UMAD1: variants seen among roughly 807,000 people sequenced by gnomAD.
UMAD1 encodes the protein UBAP1-MVB12-associated (UMA)-domain containing protein 1.
In UMAD1, 8 loss-of-function variants were observed where a neutral mutation model predicts 6.1. The observed-to-expected ratio is 1.30, with a 90% CI of 0.76 to 2.35. The LOEUF (loss-of-function observed/expected upper bound fraction) is 2.35, where lower values mean the gene tolerates loss of function less well. Among genes scored for constraint, UMAD1 ranks in the 30% most tolerant of loss-of-function variants. UMAD1 has a pLI of 0.00. For missense variants in UMAD1, 130 were observed against 78.4 expected, an observed-to-expected ratio of 1.66 and a Z score of -2.49; for synonymous variants, 56 against 31.4, an observed-to-expected ratio of 1.78 and a Z score of -2.61.
At chr7:7,852,519 T>A (rs1340920463) in intron 3 of UMAD1, among the ~76,000 whole-genome samples, 1 of 152,172 alleles carries the variant, frequency 6.6e-6, no homozygotes, top group African/African-American at 2.4e-5. Context: ...ACCCTCTCTT[T>A]GGGTTTGACT....
intron 3 of UMAD1, among the ~76,000 whole-genome samples, chr7:7,859,714 A>G (rs1784079982): frequency 6.6e-6 from 1 of 152,206 alleles, no homozygotes; most frequent in African/African-American, 2.4e-5. Flanking sequence ...CTTGCAGATT[A>G]ATTTTCAACT....
intron 2 of UMAD1, among the ~76,000 whole-genome samples, chr7:7,691,539 G>A (rs1285783711): frequency 6.6e-6 from 1 of 152,138 alleles, no homozygotes; most frequent in Non-Finnish European, 1.5e-5. Flanking sequence ...ATTACATTTC[G>A]AAGGAGAAGA....
chr7:7,732,512 T>G (rs1313286146), intron 2 of UMAD1, among the ~76,000 whole-genome samples: 2 of 152,174 alleles, frequency 1.3e-5, no homozygotes. Context: ...AAATTAAAAA[T>G]GACTTAAATC....
At chr7:7,806,383 C>G (rs1344266175) in intron 3 of UMAD1, among the ~76,000 whole-genome samples, 1 of 152,094 alleles carries the variant, frequency 6.6e-6, no homozygotes, top group Admixed American at 6.5e-5. Context: ...CCAATGTCCT[C>G]TTAATGCTTA....
chr7:7,774,588 T>G (rs1782164125), intron 2 of UMAD1, among the ~76,000 whole-genome samples: 1 of 152,232 alleles, frequency 6.6e-6, no homozygotes, highest in Admixed American at 6.5e-5. Flanking sequence ...GTCCTTTTTT[T>G]GGGAACTCTT....
chr7:7,828,895 C>CT (rs1583856231), intron 3 of UMAD1, among the ~76,000 whole-genome samples: 2 of 152,114 alleles, frequency 1.3e-5, no homozygotes, highest in Admixed American at 6.6e-5. Flanking sequence ...AGTTTGAACT[C>CT]TATTTTGTAT....
chr7:7,815,401 G>A lies in UMAD1; in HGVS notation c.156+13658G>A, dbSNP rs111318685. Among the ~76,000 whole-genome samples, 18 of 152,224 alleles carry A rather than the reference G, an allele frequency of 1.2e-4. 1 individual carries two copies. Among genetic ancestry groups the A allele is most frequent in the African/African-American group, 4.3e-4 (18 of 41,540 alleles). Reference sequence around the variant, plus strand: ...TTAATGCCTTAAAAATCATGCCAGAGTAGAGTAGAATTGATTAAATCATTT... The same window carrying A: ...TTAATGCCTTAAAAATCATGCCAGAATAGAGTAGAATTGATTAAATCATTT... On this transcript the variant is annotated intron_variant, in intron 3 of 3. Transcript: ENST00000682710.
chr7:7,701,401 A>G (rs1042234063), intron 2 of UMAD1, among the ~76,000 whole-genome samples: 2 of 152,188 alleles, frequency 1.3e-5, no homozygotes, highest in Non-Finnish European at 1.5e-5. Context: ...TCTATGTGAC[A>G]TTTTATATAT....
chr7:7,766,156 G>T (rs929879898), intron 2 of UMAD1, among the ~76,000 whole-genome samples: 1 of 152,166 alleles, frequency 6.6e-6, no homozygotes, highest in Non-Finnish European at 1.5e-5. Flanking sequence ...TTATAATAGA[G>T]CAGCCTTGTC....
At chr7:7,711,608 G>A (rs139079904) in intron 2 of UMAD1, among the ~76,000 whole-genome samples, 23 of 152,084 alleles carry the variant, frequency 1.5e-4, no homozygotes, top group African/African-American at 5.3e-4. Flanking sequence ...TAATGGAATT[G>A]GACATTTTTA....
chr7:7,739,070 A>G (rs1298380969), intron 2 of UMAD1: 1 of 152,250 alleles, frequency 6.6e-6, no homozygotes, highest in Non-Finnish European at 1.5e-5. Context: ...CAAAATCTGG[A>G]CAACAAATTA....
chr7:7,760,921 G>T lies in UMAD1; in HGVS notation c.83-40749G>T, dbSNP rs528713681. On this transcript the variant is annotated intron_variant, in intron 2 of 3. Transcript: ENST00000682710. ...CTTGTGGGATGGACTGAAGTATGGA[G>T]AAATTAGGGGATCATTTTGGAAGCT... Among the ~76,000 whole-genome samples the T allele has an allele frequency of 2.0e-5, 3 of 152,276 alleles. No homozygotes were observed. The South Asian group carries it at 6.2e-4, about 32-fold the overall frequency.
chr7:7,724,984 T>C (rs769457411), intron 2 of UMAD1, among the ~76,000 whole-genome samples: 2 of 152,190 alleles, frequency 1.3e-5, no homozygotes, highest in Non-Finnish European at 2.9e-5. Context: ...TTGGATCCAG[T>C]GTGCAAGAAG....
intron 2 of UMAD1, among the ~76,000 whole-genome samples, chr7:7,761,724 A>G (rs1781893959): frequency 6.6e-6 from 1 of 152,198 alleles, no homozygotes; most frequent in Non-Finnish European, 1.5e-5. Flanking sequence ...CTTATTATTT[A>G]TTGATCCCAA....
In UMAD1 at chr7:7,830,416, G is replaced by A. The variant is rs10952075; in HGVS notation, c.156+28673G>A. ...GAAGTTCATTCTCTGCTTGAAGCAC[G>A]TTCATACTATATTGATTTTTTACCT... On this transcript the variant is annotated intron_variant, in intron 3 of 3. Transcript: ENST00000682710. The surrounding 1 kb of genome is among the most constrained non-coding windows in gnomAD (Gnocchi z 5.3). 6.6e-6 allele frequency among the ~76,000 whole-genome samples: 1 copy of A among 151,788 alleles called. No individual in the cohort carries two copies. The highest frequency in any genetic ancestry group is 1.5e-5 in the Non-Finnish European group (1 of 67,948).
intron 2 of UMAD1, among the ~76,000 whole-genome samples, chr7:7,749,375 C>T (rs1781635866): frequency 6.6e-6 from 1 of 152,140 alleles, no homozygotes; most frequent in Admixed American, 6.5e-5. Flanking sequence ...GCCCGTATTC[C>T]ACGTGAAAGC....
At chr7:7,704,223 CTT>C (rs1351883985) in intron 2 of UMAD1, among the ~76,000 whole-genome samples, 1 of 152,074 alleles carries the variant, frequency 6.6e-6, no homozygotes, top group African/African-American at 2.4e-5. Context: ...TAAGGCTACT[CTT>C]TTTACTACCT....
chr7:7,651,712 C>G (rs1333195617), intron 1 of UMAD1, among the ~76,000 whole-genome samples: 1 of 152,168 alleles, frequency 6.6e-6, no homozygotes, highest in Non-Finnish European at 1.5e-5. Flanking sequence ...CTGGTTCACT[C>G]AATTCCCAAA....
At chr7:7,752,136 AAACT>A (rs1563178385) in intron 2 of UMAD1, among the ~76,000 whole-genome samples, 1 of 152,360 alleles carries the variant, frequency 6.6e-6, no homozygotes, top group East Asian at 1.9e-4. Context: ...ATGGAACATA[AAACT>A]AAAGCAACAA....
Sources: allele counts gnomAD v4.1 joint callset (sites outside exome capture counted in the v4.1 genomes callset), GRCh38; gene constraint gnomAD v4.1.1; non-coding constraint Gnocchi (gnomAD v3.1); transcripts MANE v1.5; gene names NCBI Gene and HGNC (gene_info 2026-07-23, HGNC 2026-07-21).